NEURL1: variants seen among roughly 807,000 people sequenced by gnomAD.
NEURL1 encodes neuralized E3 ubiquitin protein ligase 1, also known as E3 ubiquitin-protein ligase NEURL1.
A neutral mutation model predicts 41.2 loss-of-function variants in NEURL1; 26 were observed. The ratio of observed to expected loss-of-function variants is 0.63; its 90% CI spans 0.46 to 0.87. NEURL1 has a LOEUF of 0.87. NEURL1 is among the 40% of genes least tolerant of loss of function. The pLI, the probability that NEURL1 is intolerant of heterozygous loss-of-function variation, is 0.00. For missense variants in NEURL1, 761 were observed against 871.1 expected, an observed-to-expected ratio of 0.87 and a Z score of 1.59; for synonymous variants, 400 against 402.3, an observed-to-expected ratio of 0.99 and a Z score of 0.07.
intron 4 of NEURL1, 83 bp downstream of exon 4, chr10:103,585,308 C>T (rs1326130502): frequency 3.3e-6 from 4 of 1,213,030 alleles, no homozygotes; most frequent in African/African-American, 3.2e-5. Flanking sequence ...GCGAGCTCCC[C>T]TTCCTCCAGG....
intron 1 of NEURL1, among the ~76,000 whole-genome samples, chr10:103,554,385 C>G (rs1245255274): frequency 6.6e-6 from 1 of 152,198 alleles, no homozygotes; most frequent in East Asian, 1.9e-4. Context: ...GGTGAATGCT[C>G]CCAAGTGCTT....
Position 103,589,652 on chromosome 10 carries a change from C to T in NEURL1, c.1478C>T (p.Ser493Phe). The T allele has an allele frequency of 1.2e-6, 2 of 1,609,158 alleles. No individual in the cohort carries two copies. The highest frequency in any genetic ancestry group is 1.7e-6 in the Non-Finnish European group (2 of 1,177,090). Residue 493 changes from serine (S) to phenylalanine (F), a missense_variant, in exon 5 of 6, where the codon TCT becomes TTT. Physicochemically the swap from Ser to Phe is radical, Grantham distance 155 (BLOSUM62 -2). Coordinates refer to ENST00000369780, the MANE Select transcript of NEURL1 (RefSeq NM_004210.5). ...STCSSGPLGS[S>F]AGGTAPNSPV... The stretch of plus-strand genomic sequence containing the variant: ...TGCAGCTCTGGCCCTCTGGGTAGCT[C>T]TGCTGGTGGTAAGTAGGCTGGCTCC...
chr10:103,520,897 C>T (rs892547715), intron 1 of NEURL1, among the ~76,000 whole-genome samples: 5 of 152,044 alleles, frequency 3.3e-5, no homozygotes, highest in South Asian at 2.1e-4. Context: ...GGCCTGGATA[C>T]GGTTTTGGAT....
rs868506957 is a variant in NEURL1, at chr10:103,584,701, C to A, written c.815C>A (p.Pro272His). ...GDEAAPAAGCPIPQNSLNSQH... is the reference protein window; with the variant it reads ...GDEAAPAAGCHIPQNSLNSQH... ...GAGGCCGCGCCGGCCGCCGGCTGCCCCATCCCGCAGAACTCACTCAACTCG... is the reference window on the plus strand; with the variant it reads ...GAGGCCGCGCCGGCCGCCGGCTGCCACATCCCGCAGAACTCACTCAACTCG... The change falls in exon 4 of 6, where the codon CCC (proline) becomes CAC (histidine). Residue 272 changes from proline (P) to histidine (H), a missense_variant. Physicochemically the swap from Pro to His is moderately conservative, Grantham distance 77 (BLOSUM62 -2). Transcript: ENST00000369780. 1.4e-6 allele frequency: 2 copies of A among 1,453,846 alleles called. No homozygotes were observed. Among genetic ancestry groups the A allele is most frequent in the African/African-American group, 2.9e-5 (2 of 67,810 alleles). The allele number at this position is 1,453,846 out of a possible 1,614,324, so 90.1% of individuals were successfully genotyped here. A position where few individuals can be genotyped will look rare whatever the true frequency, so the allele number is the denominator to read the frequency against.
chr10:103,536,015 C>T (rs1191121636), intron 1 of NEURL1, among the ~76,000 whole-genome samples: 1 of 152,182 alleles, frequency 6.6e-6, no homozygotes, highest in African/African-American at 2.4e-5. Flanking sequence ...GCTTCCTTAG[C>T]TGAGCTTGGT....
rs563080635 is a variant in NEURL1 at position 103,514,897 on chromosome 10, C to T, written c.85+20425C>T. 8.5e-5 allele frequency among the ~76,000 whole-genome samples: 13 copies of T among 152,066 alleles called. No homozygotes were observed. In the South Asian group the frequency reaches 2.7e-3, roughly 32 times the overall value. On this transcript the variant is annotated intron_variant, in intron 1 of 5. Transcript: ENST00000369780. The stretch of plus-strand genomic sequence containing the variant: ...TGGACAGCCCCCTCTCCCCATCCAC[C>T]TCACCACCCTGTGGCCTTAGTTCTA...
chr10:103,502,467 G>A (rs1536222), intron 1 of NEURL1, among the ~76,000 whole-genome samples: 115,067 of 152,006 alleles, frequency 0.76, 43,816 homozygotes, highest in East Asian at 1. Flanking sequence ...TGCATATGGA[G>A]CGAGAACGAT....
At chr10:103,583,460 A>T (rs186556863) in intron 3 of NEURL1, among the ~76,000 whole-genome samples, 1 of 152,230 alleles carries the variant, frequency 6.6e-6, no homozygotes. Flanking sequence ...TCACACTTCT[A>T]ATCGTAGCAC....
chr10:103,584,835 G>A lies in NEURL1; in HGVS notation c.949G>A (p.Glu317Lys), dbSNP rs2035870289. The change falls in exon 4 of 6, where the codon GAG becomes AAG. Residue 317 changes from glutamate to lysine, a missense_variant. Physicochemically the swap from Glu to Lys is moderately conservative, Grantham distance 56. Transcript: ENST00000369780. Reference sequence around the variant, plus strand: ...CGACGAGCAGACGGTGGCGCGCGTGGAGCACGGGCGCGACGAGCGCGCGCT... The same window carrying A: ...CGACGAGCAGACGGTGGCGCGCGTGAAGCACGGGCGCGACGAGCGCGCGCT... ...ILDEQTVARV[E>K]HGRDERALVF... is the part of the protein sequence containing the mutation. 1.4e-6 allele frequency: 2 copies of A among 1,410,274 alleles called. No homozygotes were observed. Among genetic ancestry groups the A allele is most frequent in the Admixed American group, 3.4e-5 (1 of 29,024 alleles). The allele number at this position is 1,410,274 out of a possible 1,614,324, so 87.4% of individuals were successfully genotyped here.
intron 1 of NEURL1, among the ~76,000 whole-genome samples, chr10:103,551,460 G>A (rs1164577922): frequency 3.3e-5 from 5 of 151,894 alleles, no homozygotes; most frequent in African/African-American, 7.3e-5. Flanking sequence ...GTGCCACCAC[G>A]CCTGGCTAAC....
intron 1 of NEURL1, among the ~76,000 whole-genome samples, chr10:103,512,623 C>A (rs1376800203): frequency 6.6e-6 from 1 of 152,070 alleles, no homozygotes; most frequent in Non-Finnish European, 1.5e-5. Context: ...ATGGAGAAAC[C>A]CCATCTCTAC....
At chr10:103,500,843 G>C (rs1016678317) in intron 1 of NEURL1, among the ~76,000 whole-genome samples, 4 of 152,212 alleles carry the variant, frequency 2.6e-5, no homozygotes, top group Non-Finnish European at 5.9e-5. Context: ...TATTGGGGAT[G>C]GGACCCTCAA....
chr10:103,527,928 T>C (rs571931936), intron 1 of NEURL1, among the ~76,000 whole-genome samples: 36 of 152,160 alleles, frequency 2.4e-4, no homozygotes, highest in African/African-American at 8.7e-4. Context: ...TCAGAAAACA[T>C]TGGTATAAAG....
rs12415238 is a variant in NEURL1 at position 103,534,667 on chromosome 10, G to A, written c.86-36205G>A. Reference sequence around the variant, plus strand: ...ATTTAACCCACAAGGGGAAGACTTAGCCAAGGGTATCTCTCTTGGTATCAA... The same window carrying A: ...ATTTAACCCACAAGGGGAAGACTTAACCAAGGGTATCTCTCTTGGTATCAA... On this transcript the variant is annotated intron_variant, in intron 1 of 5. Coordinates refer to ENST00000369780, the MANE Select transcript of NEURL1 (RefSeq NM_004210.5). 2.0e-5 allele frequency among the ~76,000 whole-genome samples: 3 copies of A among 152,178 alleles called. No individual in the cohort carries two copies. In the East Asian group the frequency reaches 5.8e-4, roughly 29 times the overall value.
intron 4 of NEURL1, among the ~76,000 whole-genome samples, chr10:103,586,336 G>A (rs1298834406): frequency 6.6e-6 from 1 of 152,168 alleles, no homozygotes; most frequent in Non-Finnish European, 1.5e-5. Flanking sequence ...CCAGCTCTGT[G>A]AGACTGAGCT....
chr10:103,496,770 G>A (rs937037665), intron 1 of NEURL1, among the ~76,000 whole-genome samples: 3 of 152,208 alleles, frequency 2.0e-5, no homozygotes, highest in African/African-American at 7.2e-5. Flanking sequence ...CCTTCAGGGG[G>A]CAAGGGTTAG....
chr10:103,505,048 CTTT>C (rs35244731), intron 1 of NEURL1, among the ~76,000 whole-genome samples: 1 of 139,466 alleles, frequency 7.2e-6, no homozygotes. Flanking sequence ...TCTCCTGTAT[CTTT>C]TTTTTTTTTT....
intron 1 of NEURL1, among the ~76,000 whole-genome samples, chr10:103,496,792 GGTTA>G (rs895298697): frequency 6.6e-6 from 1 of 152,174 alleles, no homozygotes; most frequent in Non-Finnish European, 1.5e-5. Context: ...TGGGGGCAGG[GGTTA>G]GTTGGCCCTT....
chr10:103,543,029 T>C (rs1168424626), intron 1 of NEURL1, among the ~76,000 whole-genome samples: 1 of 152,162 alleles, frequency 6.6e-6, no homozygotes, highest in East Asian at 1.9e-4. Context: ...TTTTTTCTTC[T>C]TGGAAGGCGT....
Sources: gnomAD v4.1 joint callset for allele counts (sites outside exome capture counted in the v4.1 genomes callset) on GRCh38, gnomAD v4.1.1 for gene constraint, MANE v1.5 for transcripts, NCBI Gene and HGNC (gene_info 2026-07-23, HGNC 2026-07-21) for gene names.